The following RNF144A variants were observed in gnomAD, a reference collection of about 807,000 sequenced individuals.
The protein encoded by RNF144A is E3 ubiquitin-protein ligase RNF144A.
Under a neutral mutation model 38.7 loss-of-function variants are expected in RNF144A, and 11 were observed. The ratio of observed to expected loss-of-function variants is 0.28; its 90% CI spans 0.18 to 0.47. The LOEUF (loss-of-function observed/expected upper bound fraction) is 0.47. Ranked by LOEUF, RNF144A falls within the 20% of genes least tolerant of loss-of-function variation. The pLI is 0.99. For synonymous variants in RNF144A, 149 were observed against 143.9 expected, an observed-to-expected ratio of 1.04 and a Z score of -0.25; for missense variants, 316 against 377.2, an observed-to-expected ratio of 0.84 and a Z score of 1.34.
chr2:6,955,130 GTT>G (rs1308543176), intron 2 of RNF144A, among the ~76,000 whole-genome samples: 1 of 151,992 alleles, frequency 6.6e-6, no homozygotes, highest in Non-Finnish European at 1.5e-5. Context: ...TCTTTTGATT[GTT>G]TTACTCTAAG....
the RNF144A span, among the ~76,000 whole-genome samples, chr2:7,073,892 C>T: frequency 6.6e-6 from 1 of 152,248 alleles, no homozygotes; most frequent in East Asian, 1.9e-4. Context: ...AGGCCCACTT[C>T]AAATATCAGC....
chr2:6,967,365 C>T (rs889579041), intron 2 of RNF144A, among the ~76,000 whole-genome samples: 2 of 152,232 alleles, frequency 1.3e-5, no homozygotes, highest in Non-Finnish European at 2.9e-5. Flanking sequence ...TCCCTTGGGG[C>T]GTGTGAGCAC....
At chr2:6,947,251 T>C (rs1666398099) in intron 2 of RNF144A, among the ~76,000 whole-genome samples, 1 of 152,072 alleles carries the variant, frequency 6.6e-6, no homozygotes, top group Non-Finnish European at 1.5e-5. Context: ...GAAATGTACA[T>C]TAATTTATAT....
chr2:6,930,845 C>T (rs1027627473), intron 1 of RNF144A, among the ~76,000 whole-genome samples: 6 of 152,124 alleles, frequency 3.9e-5, no homozygotes, highest in Admixed American at 6.5e-5. Context: ...TCTCTCACCT[C>T]GGCCTCCCAA....
At chr2:6,970,857 C>T (rs1030815546) in intron 2 of RNF144A, among the ~76,000 whole-genome samples, 1 of 152,198 alleles carries the variant, frequency 6.6e-6, no homozygotes, top group African/African-American at 2.4e-5. Flanking sequence ...CTCCTGCAGC[C>T]CTCATTCCTG....
chr2:7,017,647 G>C (rs1257343867), intron 5 of RNF144A, among the ~76,000 whole-genome samples: 1 of 152,244 alleles, frequency 6.6e-6, no homozygotes, highest in Non-Finnish European at 1.5e-5. Context: ...CCATGAATAC[G>C]CCTCTGGGAG....
chr2:6,967,136 C>T (rs927140375), intron 2 of RNF144A, among the ~76,000 whole-genome samples: 3 of 152,172 alleles, frequency 2.0e-5, no homozygotes, highest in Non-Finnish European at 4.4e-5. Context: ...GCCTTTGCTT[C>T]TCCAGTTTCC....
At position 6,929,344 on chromosome 2, in the gene RNF144A, G is replaced by T. The variant is rs951567691; in HGVS notation, c.-211-11604G>T. On this transcript the variant is annotated intron_variant, in intron 1 of 8. Coordinates refer to ENST00000320892, the MANE Select transcript of RNF144A (RefSeq NM_014746.6). ...TCCTTGACAGTGGAGTTGAGACTCA[G>T]AGTTTGACATTTATTTGTTGCACTT... Among the ~76,000 whole-genome samples, 3 of 152,146 alleles carry T rather than the reference G, an allele frequency of 2.0e-5. No homozygotes were observed. The South Asian group carries it at 6.2e-4, about 31-fold the overall frequency.
chr2:6,989,606 A>T (rs754649494), intron 2 of RNF144A, among the ~76,000 whole-genome samples: 17 of 152,080 alleles, frequency 1.1e-4, no homozygotes, highest in African/African-American at 1.9e-4. Flanking sequence ...ATTTTTTTTT[A>T]AATTGCATGC....
intron 1 of RNF144A, among the ~76,000 whole-genome samples, chr2:6,933,691 ATTC>A (rs1665359623): frequency 6.9e-6 from 1 of 145,468 alleles, no homozygotes; most frequent in East Asian, 1.9e-4. Flanking sequence ...TTTAATTTTA[ATTC>A]TTCTAGAAAA....
intron 2 of RNF144A, among the ~76,000 whole-genome samples, chr2:6,965,250 G>A (rs1394191231): frequency 6.6e-6 from 1 of 152,200 alleles, no homozygotes; most frequent in East Asian, 1.9e-4. Flanking sequence ...GGCCTGGAGG[G>A]AAAATAGGGA....
rs114995813 is a variant in RNF144A at position 6,936,097 on chromosome 2, G to A, written c.-211-4851G>A. Reference sequence around the variant, plus strand: ...CAGTGAAGGCAGGGGGAGCTTCACTGTTATTGCTTGTGCAGAGCAGTGAGC... The same window carrying A: ...CAGTGAAGGCAGGGGGAGCTTCACTATTATTGCTTGTGCAGAGCAGTGAGC... On this transcript the variant is annotated intron_variant, in intron 1 of 8. Transcript: ENST00000320892. 8.5e-3 allele frequency among the ~76,000 whole-genome samples: 1,295 copies of A among 152,342 alleles called. 19 individuals carry two copies. Among genetic ancestry groups the A allele is most frequent in the African/African-American group, 0.03 (1,236 of 41,578 alleles).
At chr2:7,037,995 C>A (rs1278954908) in intron 8 of RNF144A, among the ~76,000 whole-genome samples, 1 of 152,204 alleles carries the variant, frequency 6.6e-6, no homozygotes, top group Non-Finnish European at 1.5e-5. Flanking sequence ...ATGGCGAGGC[C>A]GGCTGGAAAG....
intron 5 of RNF144A, among the ~76,000 whole-genome samples, chr2:7,019,096 T>A (rs1244294851): frequency 6.6e-6 from 1 of 152,202 alleles, no homozygotes; most frequent in Non-Finnish European, 1.5e-5. Flanking sequence ...CAGACTTAGA[T>A]GATGACTATC....
In RNF144A at chr2:7,042,023, G is replaced by A. The variant is rs1673075426; in HGVS notation, c.*2263G>A. On this transcript the variant is annotated 3_prime_UTR_variant, in exon 9 of 9. Transcript: ENST00000320892. ...CAGATAGGGACCACAGAGATTCTGG[G>A]GCCAGCCAGGGGCAGTCAAATTGGC... 1.0e-6 allele frequency: 1 copy of A among 985,176 alleles called. No individual in the cohort carries two copies. The allele number at this position is 985,176 out of a possible 1,614,324, so 61.0% of individuals were successfully genotyped here. A position where few individuals can be genotyped will look rare whatever the true frequency, so the allele number is the denominator to read the frequency against.
At position 7,040,696 on chromosome 2, in the gene RNF144A, G is replaced by A. The variant is rs2103463294; in HGVS notation, c.*936G>A. The A allele has an allele frequency of 2.0e-6, 2 of 985,490 alleles. No individual in the cohort carries two copies. The highest frequency in any genetic ancestry group is 5.2e-4 in the Middle Eastern group (1 of 1,914). 61.0% of individuals were successfully genotyped at this position (985,490 alleles called of 1,614,324 possible). ...TCTGGCCTCAGTCTTCAGATAGACA[G>A]TAAGAAGAAAGCAGCCTCATTGATC... is the stretch of plus-strand genomic sequence containing the variant. On this transcript the variant is annotated 3_prime_UTR_variant, in exon 9 of 9. Transcript: ENST00000320892.
chr2:6,945,022 C>G (rs138098344), intron 2 of RNF144A, among the ~76,000 whole-genome samples: 52 of 152,198 alleles, frequency 3.4e-4, no homozygotes, highest in African/African-American at 1.2e-3. Flanking sequence ...TTGTTTTTCC[C>G]AAGTAGGAAA....
At chr2:6,953,889 T>A (rs1417258203) in intron 2 of RNF144A, among the ~76,000 whole-genome samples, 3 of 152,342 alleles carry the variant, frequency 2.0e-5, no homozygotes, top group Admixed American at 6.5e-5. Context: ...GTAAGTATCA[T>A]TTTTGCTTTA....
Position 7,020,569 on chromosome 2 carries a change from T to C in RNF144A, c.398T>C (p.Val133Ala). ...GTGGGGCTGCAGACCCCCCAGCCAGTGCAGTGCAAAGCCTGCCGTATGGAA... is the reference window on the plus strand; with the variant it reads ...GTGGGGCTGCAGACCCCCCAGCCAGCGCAGTGCAAAGCCTGCCGTATGGAA... ...QDVGLQTPQP[V>A]QCKACRMEFC... is the part of the protein sequence containing the mutation. The change falls in exon 6 of 9, where the codon GTG becomes GCG. Residue 133 changes from valine to alanine, a missense_variant. Val to Ala is a moderately conservative substitution (Grantham distance 64). Transcript: ENST00000320892. 6.2e-7 allele frequency: 1 copy of C among 1,613,276 alleles called. No homozygotes were observed. The highest frequency in any genetic ancestry group is 8.5e-7 in the Non-Finnish European group (1 of 1,180,016).
Sources: allele counts gnomAD v4.1 joint callset (sites outside exome capture counted in the v4.1 genomes callset), GRCh38; gene constraint gnomAD v4.1.1; transcripts MANE v1.5; gene names NCBI Gene and HGNC (gene_info 2026-07-23, HGNC 2026-07-21).